Variants in SLC6A19 observed in about 807,000 individuals in gnomAD.
SLC6A19 encodes the protein solute carrier family 6 member 19.
SLC6A19 carries 67 observed loss-of-function variants against 68.3 expected under a neutral mutation model. The observed-to-expected ratio is 0.98, with a 90% CI of 0.81 to 1.20. The LOEUF (loss-of-function observed/expected upper bound fraction) is 1.20, where lower values mean the gene tolerates loss of function less well. SLC6A19 is among the 50% of genes most tolerant of loss of function. The pLI is 0.00. For missense variants in SLC6A19, 813 were observed against 851.6 expected (o/e 0.95, Z 0.56); for synonymous variants, 392 against 374.9 (o/e 1.05, Z -0.53).
intron 4 of SLC6A19, among the ~76,000 whole-genome samples, chr5:1,213,008 C>T (rs1298875056): frequency 7.0e-6 from 1 of 142,102 alleles, no homozygotes; most frequent in African/African-American, 2.7e-5. Context: ...ACCCAGGCTC[C>T]CGCAGGCCCT....
rs1746001505 is a variant in SLC6A19 at position 1,210,707 on chromosome 5, G to A, written c.481+126G>A. On this transcript the variant is annotated intron_variant, in intron 3 of 11. Transcript: ENST00000304460. ...AACCAGAGCCCCAAGGCAACAGGGT[G>A]TCAAAAAATGACAGCACGAAAGAAA... 2.2e-6 allele frequency: 3 copies of A among 1,376,550 alleles called. No individual in the cohort carries two copies. The East Asian group carries it at 7.2e-5, about 33-fold the overall frequency. 85.3% of individuals were successfully genotyped at this position (1,376,550 alleles called of 1,614,324 possible). A position where few individuals can be genotyped will look rare whatever the true frequency, so the allele number is the denominator to read the frequency against.
At chr5:1,220,345 G>A (rs1746340634) in intron 10 of SLC6A19, among the ~76,000 whole-genome samples, 1 of 151,206 alleles carries the variant, frequency 6.6e-6, no homozygotes. Flanking sequence ...GGGAGGTGTA[G>A]GTTGCAGTGA....
In SLC6A19 at chr5:1,212,188, G is replaced by A; in HGVS notation, c.482-115G>A. On this transcript the variant is annotated intron_variant, in intron 3 of 11. Coordinates refer to ENST00000304460, the MANE Select transcript of SLC6A19 (RefSeq NM_001003841.3). This position sits in a 1 kb window ranked among gnomAD's most constrained non-coding sequence, Gnocchi z 5.1. Reference sequence around the variant, plus strand: ...TGTGTTCATGTGCACGTGTGGGCGTGTCACTGGTGTCAAGGCCTCTGGAAC... The same window carrying A: ...TGTGTTCATGTGCACGTGTGGGCGTATCACTGGTGTCAAGGCCTCTGGAAC... 7.8e-7 allele frequency: 1 copy of A among 1,280,006 alleles called. No homozygotes were observed. Among genetic ancestry groups the A allele is most frequent in the Non-Finnish European group, 1.1e-6 (1 of 897,696 alleles). The allele number at this position is 1,280,006 out of a possible 1,614,324, so 79.3% of individuals were successfully genotyped here.
At chr5:1,219,698 G>T in intron 10 of SLC6A19, 34 bp downstream of exon 10, 1 of 1,600,506 alleles carries the variant, frequency 6.2e-7, no homozygotes, top group Admixed American at 1.7e-5. Flanking sequence ...TGCCTCTAAT[G>T]CAGAAAAGCC....
chr5:1,220,250 T>C (rs1289595290), intron 10 of SLC6A19, among the ~76,000 whole-genome samples: 1 of 151,752 alleles, frequency 6.6e-6, no homozygotes, highest in Non-Finnish European at 1.5e-5. Flanking sequence ...TCTCTACTAA[T>C]AATACAAAAA....
intron 8 of SLC6A19, 63 bp downstream of exon 8, chr5:1,217,008 G>GT (rs1746230586): frequency 1.2e-6 from 2 of 1,607,812 alleles, no homozygotes; most frequent in Non-Finnish European, 1.7e-6. Context: ...TCAGAGTCCG[G>GT]CCACCCCTGG....
At chr5:1,208,720 G>T in intron 1 of SLC6A19, 26 bp from the exon 2 acceptor site, 1 of 1,613,284 alleles carries the variant, frequency 6.2e-7, no homozygotes. Flanking sequence ...ACGGCTCTCA[G>T]GCATGGTGGA....
At chr5:1,208,573 G>A (rs1745921753) in intron 1 of SLC6A19, among the ~76,000 whole-genome samples, 173 bp from the exon 2 acceptor site, 1 of 152,202 alleles carries the variant, frequency 6.6e-6, no homozygotes, top group Admixed American at 6.5e-5. Flanking sequence ...TCTAGAACGT[G>A]GAGTCAGCTC....
chr5:1,210,274 C>T (rs922995104), intron 2 of SLC6A19, among the ~76,000 whole-genome samples, 170 bp from the exon 3 acceptor site: 1 of 152,238 alleles, frequency 6.6e-6, no homozygotes. Context: ...GGCTGCACCA[C>T]GGCATCAGCT....
chr5:1,205,082 G>A (rs558004632), intron 1 of SLC6A19, among the ~76,000 whole-genome samples: 1 of 152,184 alleles, frequency 6.6e-6, no homozygotes, highest in Non-Finnish European at 1.5e-5. Context: ...CATTCTCTCG[G>A]TTACCTGCTT....
chr5:1,213,930 C>G (rs752900806), intron 5 of SLC6A19, 23 bp from the exon 6 acceptor site: 1 of 1,611,894 alleles, frequency 6.2e-7, no homozygotes. Flanking sequence ...CCATGAGTGG[C>G]TGAGGGTCTC....
chr5:1,224,316 G>A lies in SLC6A19; in HGVS notation c.*2412G>A, dbSNP rs978122648. On this transcript the variant is annotated 3_prime_UTR_variant, in exon 12 of 12. Coordinates refer to ENST00000304460, the MANE Select transcript of SLC6A19 (RefSeq NM_001003841.3). ...TAGGTTTCAATGTCTCTGTAAATGT[G>A]GTAGAAATGCAGGCTTTATGGGCAT... The A allele has an allele frequency of 1.1e-4, 16 of 152,230 alleles. No individual in the cohort carries two copies. The highest frequency in any genetic ancestry group is 3.9e-4 in the Admixed American group (6 of 15,290). The allele number at this position is 152,230 out of a possible 1,614,324, so 9.4% of individuals were successfully genotyped here.
intron 6 of SLC6A19, 147 bp from the exon 7 acceptor site, chr5:1,216,411 G>A: frequency 1.7e-6 from 2 of 1,171,464 alleles, no homozygotes; most frequent in Non-Finnish European, 2.5e-6. Flanking sequence ...AGTGGGGCAG[G>A]GGCTCCGACT....
chr5:1,208,358 A>G (rs1173418189), intron 1 of SLC6A19, among the ~76,000 whole-genome samples: 2 of 152,142 alleles, frequency 1.3e-5, no homozygotes, highest in Non-Finnish European at 2.9e-5. Context: ...CTGGCTGGAC[A>G]GGCAAAAGCA....
intron 8 of SLC6A19, among the ~76,000 whole-genome samples, chr5:1,217,811 C>T (rs1056197191): frequency 2.0e-5 from 3 of 152,248 alleles, no homozygotes; most frequent in East Asian, 1.9e-4. Flanking sequence ...GCAGCACCCC[C>T]GTCCACGCCC....
intron 1 of SLC6A19, among the ~76,000 whole-genome samples, chr5:1,206,222 TCTCC>T (rs539069759): frequency 2.8e-4 from 43 of 151,806 alleles, no homozygotes; most frequent in African/African-American, 9.5e-4. Flanking sequence ...GTACCTGGCT[TCTCC>T]CTCCCTCCCT....
intron 7 of SLC6A19, 41 bp from the exon 8 acceptor site, chr5:1,216,744 GCCTC>G: frequency 6.2e-7 from 1 of 1,613,650 alleles, no homozygotes. Context: ...AAGCCTCCCA[GCCTC>G]CCTGGCCCCA....
chr5:1,202,077 C>G (rs540940468), intron 1 of SLC6A19, among the ~76,000 whole-genome samples: 1 of 152,188 alleles, frequency 6.6e-6, no homozygotes, highest in Non-Finnish European at 1.5e-5. Context: ...CCCAAGACTT[C>G]GTGTGGGGCT....
rs932954869 is a variant in SLC6A19 at position 1,214,459 on chromosome 5, C to T, written c.887+394C>T. Among the ~76,000 whole-genome samples the T allele has an allele frequency of 2.0e-5, 3 of 152,214 alleles. No individual in the cohort carries two copies. The highest frequency in any genetic ancestry group is 4.4e-5 in the Non-Finnish European group (3 of 68,034). On this transcript the variant is annotated intron_variant, in intron 6 of 11. Coordinates refer to ENST00000304460, the MANE Select transcript of SLC6A19 (RefSeq NM_001003841.3). This position sits in a 1 kb window ranked among gnomAD's most constrained non-coding sequence, Gnocchi z 7.4. ...TCCACGTCCCCGACCAAGGTCTGATCCTTCCACTGCCCCTTCCCCACGTAC... is the reference window on the plus strand; with the variant it reads ...TCCACGTCCCCGACCAAGGTCTGATTCTTCCACTGCCCCTTCCCCACGTAC...
Sources: gnomAD v4.1 joint callset for allele counts (sites outside exome capture counted in the v4.1 genomes callset) on GRCh38, gnomAD v4.1.1 for gene constraint, Gnocchi (gnomAD v3.1) non-coding constraint, MANE v1.5 for transcripts, NCBI Gene and HGNC (gene_info 2026-07-23, HGNC 2026-07-21) for gene names.